XPNPEP1: variants seen among roughly 807,000 people sequenced by gnomAD.
XPNPEP1 encodes the protein xaa-Pro aminopeptidase 1.
A neutral mutation model predicts 92.4 loss-of-function variants in XPNPEP1; 39 were observed. The observed-to-expected ratio is 0.42, with a 90% confidence interval of 0.33 to 0.55. XPNPEP1 has a LOEUF of 0.55. XPNPEP1 is among the 20% of genes least tolerant of loss of function. The probability of loss-of-function intolerance (pLI) is 0.08; values close to 1 mark genes in which losing one functional copy is unlikely to be tolerated. For missense variants in XPNPEP1, 654 were observed against 856.1 expected, an observed-to-expected ratio of 0.76 and a Z score of 2.95; for synonymous variants, 307 against 299.4, an observed-to-expected ratio of 1.03 and a Z score of -0.26.
rs776216031 is a variant in XPNPEP1, at chr10:109,882,446, C to T, written c.1027G>A (p.Glu343Lys). 1.4e-5 allele frequency: 23 copies of T among 1,613,162 alleles called. No homozygotes were observed. Among genetic ancestry groups the T allele is most frequent in the Non-Finnish European group, 1.7e-5 (20 of 1,179,346 alleles). The change falls in exon 10 of 21, where the codon GAG (glutamate) becomes AAG (lysine). Residue 343 changes from glutamate to lysine, a missense_variant. Glu to Lys is a moderately conservative substitution (Grantham distance 56). Coordinates refer to ENST00000502935, the MANE Select transcript of XPNPEP1 (RefSeq NM_020383.4). ...GGGTCACCAACCTTGGGGATGGTCT[C>T]GCTCACAGCATAGCTGGCCTTGTCA... Reference protein sequence around the residue: ...VSDKASYAVSETIPKDHRCCM... With the variant: ...VSDKASYAVSKTIPKDHRCCM...
intron 2 of XPNPEP1, among the ~76,000 whole-genome samples, chr10:109,912,104 T>A (rs1564791915): frequency 6.6e-6 from 1 of 152,124 alleles, no homozygotes. Context: ...CATCACATCA[T>A]CACGTTTCCC....
At chr10:109,871,288 TG>T (rs933855937) in intron 17 of XPNPEP1, among the ~76,000 whole-genome samples, 4 of 152,182 alleles carry the variant, frequency 2.6e-5, no homozygotes, top group African/African-American at 9.6e-5. Flanking sequence ...CCTAGGGAGA[TG>T]AGTACATGTC....
At chr10:109,893,944 T>C (rs533853060) in intron 3 of XPNPEP1, 21 of 152,340 alleles carry the variant, frequency 1.4e-4, no homozygotes, top group African/African-American at 4.3e-4. Context: ...CATCACTCTC[T>C]AGGATAAGAC....
intron 3 of XPNPEP1, among the ~76,000 whole-genome samples, chr10:109,905,357 G>A (rs56201133): frequency 4.1e-4 from 63 of 152,264 alleles, no homozygotes; most frequent in South Asian, 3.3e-3. Flanking sequence ...TTACAGGCAC[G>A]TGCTACCAAG....
chr10:109,887,559 T>C (rs535246258), intron 7 of XPNPEP1, among the ~76,000 whole-genome samples: 3 of 152,038 alleles, frequency 2.0e-5, no homozygotes, highest in Non-Finnish European at 2.9e-5. Context: ...ATCCACACAA[T>C]GGTTCAGAGA....
chr10:109,920,760 G>T (rs1341490483), intron 1 of XPNPEP1, among the ~76,000 whole-genome samples: 1 of 151,838 alleles, frequency 6.6e-6, no homozygotes, highest in Non-Finnish European at 1.5e-5. Context: ...TGCCCAGTCT[G>T]GTCTCAAACT....
At chr10:109,906,744 T>C (rs917357960) in intron 3 of XPNPEP1, among the ~76,000 whole-genome samples, 3 of 152,162 alleles carry the variant, frequency 2.0e-5, no homozygotes, top group Non-Finnish European at 4.4e-5. Flanking sequence ...CATCCGAAGC[T>C]TCCCTGTTTC....
At chr10:109,871,671 G>T in intron 17 of XPNPEP1, 121 bp downstream of exon 17, 1 of 1,124,894 alleles carries the variant, frequency 8.9e-7, no homozygotes, top group Non-Finnish European at 1.3e-6. Flanking sequence ...CACCTGGCTG[G>T]GCCTGAAGTG....
chr10:109,919,496 A>G (rs536549300), intron 1 of XPNPEP1, among the ~76,000 whole-genome samples: 1 of 152,360 alleles, frequency 6.6e-6, no homozygotes, highest in South Asian at 2.1e-4. Flanking sequence ...GGGTGAGGGT[A>G]TAGAAAAAAT....
At chr10:109,918,855 GGAGGGAAGGAA>G (rs1850348437) in intron 1 of XPNPEP1, among the ~76,000 whole-genome samples, 16 of 29,636 alleles carry the variant, frequency 5.4e-4, no homozygotes, top group South Asian at 1.3e-3. Flanking sequence ...AAGGAAGGAA[GGAGGGAAGGAA>G]GGAAGGAAGG....
rs1847890104 is a variant in XPNPEP1, at chr10:109,878,246, A to C, written c.1183-188T>G. 5.0e-6 allele frequency: 3 copies of C among 597,618 alleles called. No individual in the cohort carries two copies. The South Asian group carries it at 6.4e-5, about 13-fold the overall frequency. 37.0% of individuals were successfully genotyped at this position (597,618 alleles called of 1,614,324 possible). A position where few individuals can be genotyped will look rare whatever the true frequency, so the allele number is the denominator to read the frequency against. On this transcript the variant is annotated intron_variant, in intron 12 of 20. Coordinates refer to ENST00000502935, the MANE Select transcript of XPNPEP1 (RefSeq NM_020383.4). ...TCACCAAAGCTATCTAAAATCCAAT[A>C]GTTTCTATTCATTTAATTTTTCACT...
intron 2 of XPNPEP1, among the ~76,000 whole-genome samples, chr10:109,914,440 T>C (rs552579711): frequency 1.3e-5 from 2 of 151,588 alleles, no homozygotes; most frequent in Admixed American, 6.6e-5. Context: ...CTGACAAAAA[T>C]GGAAAACGAA....
intron 16 of XPNPEP1, among the ~76,000 whole-genome samples, chr10:109,872,710 C>G (rs886296393): frequency 3.9e-5 from 6 of 152,220 alleles, no homozygotes; most frequent in African/African-American, 1.4e-4. Flanking sequence ...GCTCAATCAG[C>G]ATTTGCTGAG....
chr10:109,896,890 C>T (rs1164782978), intron 3 of XPNPEP1, among the ~76,000 whole-genome samples: 2 of 152,184 alleles, frequency 1.3e-5, no homozygotes, highest in African/African-American at 4.8e-5. Context: ...GCAGAAGTAA[C>T]ATAGCCCTGC....
chr10:109,873,309 G>C, intron 16 of XPNPEP1, 58 bp downstream of exon 16: 1 of 1,594,958 alleles, frequency 6.3e-7, no homozygotes, highest in East Asian at 2.2e-5. Flanking sequence ...TTTCATAAAA[G>C]CAATGCTCTT....
chr10:109,887,546 T>C (rs1333103830), intron 7 of XPNPEP1, among the ~76,000 whole-genome samples: 1 of 152,114 alleles, frequency 6.6e-6, no homozygotes, highest in Non-Finnish European at 1.5e-5. Flanking sequence ...CACTGCTTCA[T>C]AAATCCACAC....
intron 3 of XPNPEP1, among the ~76,000 whole-genome samples, chr10:109,899,369 C>G (rs895921056): frequency 9.9e-5 from 15 of 152,190 alleles, no homozygotes; most frequent in Non-Finnish European, 4.4e-5. Context: ...TCCCCTTCCA[C>G]CAGCTAAAAT....
intron 7 of XPNPEP1, among the ~76,000 whole-genome samples, chr10:109,887,226 G>A (rs1041435429): frequency 2.6e-5 from 4 of 152,118 alleles, no homozygotes; most frequent in Non-Finnish European, 4.4e-5. Flanking sequence ...TTCAAACCAC[G>A]CTGATGGAAA....
rs1847864021 is a variant in XPNPEP1 at position 109,877,789 on chromosome 10, C to T, written c.1319+1G>A. 1 of 1,614,248 alleles carries T rather than the reference C, an allele frequency of 6.2e-7. No homozygotes were observed. Among genetic ancestry groups the T allele is most frequent in the Non-Finnish European group, 8.5e-7 (1 of 1,180,046 alleles). ...GCAGCATGCTCCTCCGCATGCCTTA[C>T]GCGTAGTGAATGATGGCGCCGTTGG... On this transcript the variant is annotated splice_donor_variant, in intron 14 of 20. Transcript: ENST00000502935. LOFTEE classifies it high-confidence loss of function.
Sources: gnomAD v4.1 joint callset for allele counts (sites outside exome capture counted in the v4.1 genomes callset) on GRCh38, gnomAD v4.1.1 for gene constraint, MANE v1.5 for transcripts, NCBI Gene and HGNC (gene_info 2026-07-23, HGNC 2026-07-21) for gene names.